PPP6R1: variants seen among roughly 807,000 people sequenced by gnomAD.
PPP6R1 encodes serine/threonine-protein phosphatase 6 regulatory subunit 1.
Under a neutral mutation model 104.6 loss-of-function variants are expected in PPP6R1, and 39 were observed. That is an observed-to-expected ratio of 0.37 (90% CI 0.29 to 0.49). The LOEUF (loss-of-function observed/expected upper bound fraction) is 0.49, where lower values mean the gene tolerates loss of function less well. PPP6R1 is among the 20% of genes least tolerant of loss of function. PPP6R1 has a pLI of 0.98. For synonymous variants in PPP6R1, 549 were observed against 479.0 expected (o/e 1.15, Z -1.91); for missense variants, 1,181 against 1,155.8 (o/e 1.02, Z -0.32).
rs201017975 is a variant in PPP6R1, at chr19:55,245,583, C to G, written c.323G>C (p.Gly108Ala). The G allele has an allele frequency of 4.0e-4, 646 of 1,612,786 alleles. 7 individuals are homozygous for G. The East Asian group carries it at 0.011, about 29-fold the overall frequency. Residue 108 changes from glycine (G) to alanine (A), a missense_variant, in exon 3 of 24, where the codon GGC becomes GCC. Coordinates refer to ENST00000412770, the MANE Select transcript of PPP6R1 (RefSeq NM_014931.4). The surrounding 1 kb of genome is among the most constrained non-coding windows in gnomAD (Gnocchi z 6.4). ...ADESLLNRLY[G>A]FLQSTGSLNP... Reference sequence around the variant, plus strand: ...GAGGCTGCCGGTGCTCTGCAGGAAGCCGTAGAGCCGGTTCAGAAGGGACTC... The same window carrying G: ...GAGGCTGCCGGTGCTCTGCAGGAAGGCGTAGAGCCGGTTCAGAAGGGACTC...
intron 1 of PPP6R1, 31 bp downstream of exon 1, chr19:55,258,404 G>C (rs1330468930): frequency 2.0e-5 from 3 of 151,924 alleles, no homozygotes; most frequent in Admixed American, 6.6e-5. Context: ...TGGCCCTGGA[G>C]AGAGAGGGTC....
intron 18 of PPP6R1, 36 bp downstream of exon 18, chr19:55,232,039 C>A (rs773100531): frequency 1.1e-5 from 17 of 1,611,386 alleles, no homozygotes; most frequent in Non-Finnish European, 1.3e-5. Context: ...GGCAGACAGC[C>A]CTGTGTACAC....
rs1308789925 is a variant in PPP6R1 at position 55,239,632 on chromosome 19, T to C, written c.1615A>G (p.Lys539Glu). ...SSSDDEDDRL[K>E]EFNFPEEAVL... ...GCCTCCTCAGGGAAGTTGAACTCCT[T>C]GAGCCGGTCGTCCTCATCGTCACTG... The change falls in exon 14 of 24, where the codon AAG (lysine) becomes GAG (glutamate). Residue 539 changes from lysine (K) to glutamate (E), a missense_variant. Physicochemically the swap from Lys to Glu is moderately conservative, Grantham distance 56. This residue lies in a region of PPP6R1 where 1,042 missense variants were observed against 955.6 expected (regional missense o/e 1.09). Transcript: ENST00000412770. 1 of 1,612,148 alleles carries C rather than the reference T, an allele frequency of 6.2e-7. No individual in the cohort carries two copies. The highest frequency in any genetic ancestry group is 8.5e-7 in the Non-Finnish European group (1 of 1,179,072).
At chr19:55,242,624 G>C (rs1286440839) in intron 5 of PPP6R1, 136 bp from the exon 6 acceptor site, 1 of 729,044 alleles carries the variant, frequency 1.4e-6, no homozygotes, top group Non-Finnish European at 2.4e-6. Context: ...TGTTACGAAG[G>C]AGGAGGGCAC....
At chr19:55,251,131 G>A (rs927733950) in intron 1 of PPP6R1, among the ~76,000 whole-genome samples, 4 of 152,130 alleles carry the variant, frequency 2.6e-5, no homozygotes, top group South Asian at 2.1e-4. Context: ...CCCCAGCCCC[G>A]CCTTTGTCCA....
chr19:55,230,755 C>G lies in PPP6R1; in HGVS notation c.2570+19G>C, dbSNP rs1568941946. On this transcript the variant is annotated intron_variant, in intron 22 of 23. Coordinates refer to ENST00000412770, the MANE Select transcript of PPP6R1 (RefSeq NM_014931.4). ...CCAGCCCCACCCCCACCCCCCCGCCCTGCTGCCCTGGTGCTCACCTCTGGC... is the reference window on the plus strand; with the variant it reads ...CCAGCCCCACCCCCACCCCCCCGCCGTGCTGCCCTGGTGCTCACCTCTGGC... 3 of 1,439,246 alleles carry G rather than the reference C, an allele frequency of 2.1e-6. No homozygotes were observed. In the South Asian group the frequency reaches 3.9e-5, roughly 19 times the overall value. The allele number at this position is 1,439,246 out of a possible 1,614,324, so 89.2% of individuals were successfully genotyped here.
chr19:55,239,847 G>C lies in PPP6R1; in HGVS notation c.1542C>G (p.Asn514Lys), dbSNP rs1001982856. 2.1e-5 allele frequency: 34 copies of C among 1,613,804 alleles called. No individual in the cohort carries two copies. The highest frequency in any genetic ancestry group is 8.0e-5 in the African/African-American group (6 of 74,932). ...AFVSGPLAET[N>K]KKNMVDLVNT... Reference sequence around the variant, plus strand: ...TCACCAGGTCCACCATGTTCTTCTTGTTGGTCTCCGCCAGGGGCCCCGATA... The same window carrying C: ...TCACCAGGTCCACCATGTTCTTCTTCTTGGTCTCCGCCAGGGGCCCCGATA... Residue 514 changes from asparagine (N) to lysine (K), a missense_variant, in exon 13 of 24, where the codon AAC becomes AAG. Asn to Lys is a moderately conservative substitution (Grantham distance 94). Coordinates refer to ENST00000412770, the MANE Select transcript of PPP6R1 (RefSeq NM_014931.4).
rs774912009 is a variant in PPP6R1 at position 55,245,225 on chromosome 19, C to T, written c.552+40G>A. 10 of 1,604,786 alleles carry T rather than the reference C, an allele frequency of 6.2e-6. No individual in the cohort carries two copies. In the Admixed American group the frequency reaches 1.0e-4, roughly 16 times the overall value. On this transcript the variant is annotated intron_variant, in intron 4 of 23. Transcript: ENST00000412770. This position sits in a 1 kb window ranked among gnomAD's most constrained non-coding sequence, Gnocchi z 6.4. ...GCGAGGGATGCATCGCTGTCCACCACGCCCAGCCCCCCACCCCCAGAGGAG... is the reference window on the plus strand; with the variant it reads ...GCGAGGGATGCATCGCTGTCCACCATGCCCAGCCCCCCACCCCCAGAGGAG...
In PPP6R1 at chr19:55,247,007, C is replaced by G. The variant is rs542198477; in HGVS notation, c.97G>C (p.Val33Leu). 1 of 1,613,900 alleles carries G rather than the reference C, an allele frequency of 6.2e-7. No individual in the cohort carries two copies. Among genetic ancestry groups the G allele is most frequent in the African/African-American group, 1.3e-5 (1 of 75,060 alleles). ...SLPELLDEEDVLQECKVVNRK... is the reference protein window; with the variant it reads ...SLPELLDEEDLLQECKVVNRK... ...TTGACGACCTTGCACTCCTGCAGCACGTCTTCCTCGTCCAGCAGCTCGGGC... is the reference window on the plus strand; with the variant it reads ...TTGACGACCTTGCACTCCTGCAGCAGGTCTTCCTCGTCCAGCAGCTCGGGC... Residue 33 changes from valine (V) to leucine (L), a missense_variant, in exon 2 of 24, where the codon GTG (valine) becomes CTG (leucine). By Grantham distance (32) the Val-to-Leu change is conservative. Transcript: ENST00000412770.
Position 55,242,469 on chromosome 19 carries a change from T to C in PPP6R1, c.638A>G (p.Gln213Arg). The C allele has an allele frequency of 6.2e-7, 1 of 1,613,794 alleles. No individual in the cohort carries two copies. The highest frequency in any genetic ancestry group is 2.2e-5 in the East Asian group (1 of 44,890). ...CAGGCGGATGATGTCACACAGGGAC[T>C]GGGATGCGTTGGAATGTTGCTGGAA... is the stretch of plus-strand genomic sequence containing the variant. ...KDENQHSNASQSLCDIIRLSR... is the reference protein window; with the variant it reads ...KDENQHSNASRSLCDIIRLSR... The change falls in exon 6 of 24, where the codon CAG becomes CGG. Residue 213 changes from glutamine to arginine, a missense_variant. Around this residue, in one of 2 missense-constraint regions of PPP6R1, gnomAD observed 1,042 missense variants for 955.6 expected, o/e 1.09. Transcript: ENST00000412770.
chr19:55,251,921 C>T (rs531468544), intron 1 of PPP6R1, among the ~76,000 whole-genome samples: 1 of 152,224 alleles, frequency 6.6e-6, no homozygotes, highest in East Asian at 1.9e-4. Context: ...AGCAAAGCAC[C>T]GAGACGTGGC....
In PPP6R1 at chr19:55,253,869, G is replaced by A. The variant is rs369720519; in HGVS notation, c.-7+4566C>T. Among the ~76,000 whole-genome samples the A allele has an allele frequency of 2.9e-4, 44 of 152,242 alleles. No homozygotes were observed. The East Asian group carries it at 5.6e-3, about 19-fold the overall frequency. ...ACTCTCCTGGTGAACCTGGGCAGGC[G>A]CTTGATTTCTCTGAGTCTCATTTCC... On this transcript the variant is annotated intron_variant, in intron 1 of 23. Coordinates refer to ENST00000412770, the MANE Select transcript of PPP6R1 (RefSeq NM_014931.4).
intron 1 of PPP6R1, among the ~76,000 whole-genome samples, chr19:55,251,894 G>A (rs73068668): frequency 0.053 from 8,083 of 152,076 alleles, 314 homozygotes; most frequent in Non-Finnish European, 0.076. Context: ...GCCAATTTCC[G>A]GCCTAAGGCT....
In PPP6R1 at chr19:55,241,286, C is replaced by T. The variant is rs1250206105; in HGVS notation, c.1114G>A (p.Ala372Thr). 3.7e-6 allele frequency: 6 copies of T among 1,610,758 alleles called. No homozygotes were observed. The highest frequency in any genetic ancestry group is 5.1e-6 in the Non-Finnish European group (6 of 1,179,500). The change falls in exon 9 of 24, where the codon GCC becomes ACC. Residue 372 changes from alanine to threonine, a missense_variant. By Grantham distance (58) the Ala-to-Thr change is moderately conservative (BLOSUM62 0). This residue lies in a region of PPP6R1 where 1,042 missense variants were observed against 955.6 expected (regional missense o/e 1.09). Transcript: ENST00000412770. This position sits in a 1 kb window ranked among gnomAD's most constrained non-coding sequence, Gnocchi z 5.4. ...AGTGCCAGGAGCTCGTGCGTCAGGG[C>T]TGCATCATTGGCGCTCAGGGCACTG... is the stretch of plus-strand genomic sequence containing the variant. ...LASALSANDA[A>T]LTHELLALDV... is the part of the protein sequence containing the mutation.
rs117813354 is a variant in PPP6R1, at chr19:55,245,094, T to C, written c.618+26A>G. On this transcript the variant is annotated intron_variant, in intron 5 of 23. Coordinates refer to ENST00000412770, the MANE Select transcript of PPP6R1 (RefSeq NM_014931.4). The surrounding 1 kb of genome is among the most constrained non-coding windows in gnomAD (Gnocchi z 6.4). ...CATGGGGAAGGAACTCTAAGGGGAATCCGCAGGGGCATCGGCAGCACTCAC... is the reference window on the plus strand; with the variant it reads ...CATGGGGAAGGAACTCTAAGGGGAACCCGCAGGGGCATCGGCAGCACTCAC... 2.8e-3 allele frequency: 4,440 copies of C among 1,611,212 alleles called. 174 individuals carry two copies. The East Asian group carries it at 0.086, about 31-fold the overall frequency.
In PPP6R1 at chr19:55,246,639, G is replaced by A. The variant is rs2087511194; in HGVS notation, c.227+238C>T. 4.6e-5 allele frequency among the ~76,000 whole-genome samples: 7 copies of A among 152,336 alleles called. 1 individual carries two copies. The South Asian group carries it at 1.4e-3, about 32-fold the overall frequency. On this transcript the variant is annotated intron_variant, in intron 2 of 23. Transcript: ENST00000412770. ...AGGCGGGAGGATCACCTGGGCCCGT[G>A]AATTTGTGGCTGCCGTGACCCGTGA...
Position 55,230,394 on chromosome 19 carries a change from G to C in PPP6R1, c.*134C>G, listed in dbSNP as rs1367971056. 7 of 1,357,020 alleles carry C rather than the reference G, an allele frequency of 5.2e-6. No homozygotes were observed. Among genetic ancestry groups the C allele is most frequent in the Non-Finnish European group, 7.1e-6 (7 of 984,652 alleles). The allele number at this position is 1,357,020 out of a possible 1,614,324, so 84.1% of individuals were successfully genotyped here. A position where few individuals can be genotyped will look rare whatever the true frequency, so the allele number is the denominator to read the frequency against. On this transcript the variant is annotated 3_prime_UTR_variant, in exon 24 of 24. Transcript: ENST00000412770. ...CTGTCTCCCTGGCACCAGCCTCCTGGGGGTCCAGAGGAGAGAATGTGGGGG... is the reference window on the plus strand; with the variant it reads ...CTGTCTCCCTGGCACCAGCCTCCTGCGGGTCCAGAGGAGAGAATGTGGGGG...
chr19:55,231,906 C>T lies in PPP6R1; in HGVS notation c.2202G>A (p.Glu734=), dbSNP rs755015408. The stretch of plus-strand genomic sequence containing the variant: ...GTGGGGCTGGAGGCCCAGTGTGCAG[C>T]TCTTCCTCCCCGGAGACTCGGGGGC... The part of the protein sequence containing the change: ...PTSPRVSGEE[E]LHTGPPAPQG... Residue 734 remains glutamate, a synonymous_variant, in exon 19 of 24, where the codon GAG becomes GAA. Coordinates refer to ENST00000412770, the MANE Select transcript of PPP6R1 (RefSeq NM_014931.4). The T allele has an allele frequency of 5.2e-6, 8 of 1,537,686 alleles. No individual in the cohort carries two copies. In the African/African-American group the frequency reaches 8.2e-5, roughly 16 times the overall value.
At chr19:55,230,718 C>CT in intron 22 of PPP6R1, 34 bp from the exon 23 acceptor site, 5 of 1,523,806 alleles carry the variant, frequency 3.3e-6, no homozygotes, top group Non-Finnish European at 4.4e-6. Flanking sequence ...GCAGAGGTCA[C>CT]TTCCTGCCCC....
Sources: allele counts gnomAD v4.1 joint callset (sites outside exome capture counted in the v4.1 genomes callset), GRCh38; gene constraint gnomAD v4.1.1; regional missense constraint gnomAD v4.1.1; non-coding constraint Gnocchi (gnomAD v3.1); transcripts MANE v1.5; gene names NCBI Gene and HGNC (gene_info 2026-07-23, HGNC 2026-07-21).